Variants in KLHL2 observed in about 807,000 individuals in gnomAD.
The protein encoded by KLHL2 is kelch-like protein 2.
Under a neutral mutation model 75.8 loss-of-function variants are expected in KLHL2, and 15 were observed. The observed-to-expected ratio is 0.20, with a 90% CI of 0.13 to 0.30. The LOEUF is 0.30. Among genes scored for constraint, KLHL2 ranks in the 10% least tolerant of loss-of-function variants. The pLI is 1.00. For missense variants in KLHL2, 381 were observed against 741.0 expected (o/e 0.51, Z 5.64); for synonymous variants, 214 against 251.9 (o/e 0.85, Z 1.42).
chr4:165,276,350 G>GTGT (rs900310501), intron 5 of KLHL2, among the ~76,000 whole-genome samples: 3 of 152,072 alleles, frequency 2.0e-5, no homozygotes, highest in African/African-American at 4.8e-5. Flanking sequence ...GTATTTTCAT[G>GTGT]TGTGTCCCCT....
intron 4 of KLHL2, among the ~76,000 whole-genome samples, chr4:165,260,996 A>C (rs145298413): frequency 0.011 from 1,704 of 152,342 alleles, 15 homozygotes; most frequent in South Asian, 0.024. Context: ...TGTGTGACCA[A>C]ACAATTTAAG....
chr4:165,296,051 C>G (rs1376412623), intron 6 of KLHL2, among the ~76,000 whole-genome samples: 1 of 152,174 alleles, frequency 6.6e-6, no homozygotes, highest in Non-Finnish European at 1.5e-5. Flanking sequence ...GCTAACAATT[C>G]TATGGTCAGA....
At chr4:165,300,648 T>C (rs1195826478) in intron 8 of KLHL2, among the ~76,000 whole-genome samples, 1 of 152,216 alleles carries the variant, frequency 6.6e-6, no homozygotes, top group Non-Finnish European at 1.5e-5. Flanking sequence ...TTCCTTCTGC[T>C]CTGTTTACAT....
At chr4:165,283,696 C>T (rs1281207263) in intron 5 of KLHL2, among the ~76,000 whole-genome samples, 4 of 152,140 alleles carry the variant, frequency 2.6e-5, no homozygotes, top group African/African-American at 9.7e-5. Flanking sequence ...GATGGTGGCC[C>T]TCTTCTCACA....
chr4:165,322,323 A>G lies in KLHL2; in HGVS notation c.*263A>G. On this transcript the variant is annotated 3_prime_UTR_variant, in exon 15 of 15. Transcript: ENST00000226725. ...GCAGGACTTAATCTGTAGTCTTTAG[A>G]CAACAGTTGCTTTCATAAAGACTAG... 2.4e-6 allele frequency: 1 copy of G among 410,358 alleles called. No homozygotes were observed. Among genetic ancestry groups the G allele is most frequent in the Non-Finnish European group, 4.4e-6 (1 of 229,626 alleles). The allele number at this position is 410,358 out of a possible 1,614,324, so 25.4% of individuals were successfully genotyped here.
intron 8 of KLHL2, 90 bp from the exon 9 acceptor site, chr4:165,305,516 AAC>A: frequency 9.7e-7 from 1 of 1,030,888 alleles, no homozygotes; most frequent in South Asian, 1.3e-5. Flanking sequence ...TCTTCATCCT[AAC>A]ACTTCCCACA....
intron 1 of KLHL2, among the ~76,000 whole-genome samples, chr4:165,215,845 T>C (rs1737499034): frequency 6.6e-6 from 1 of 152,156 alleles, no homozygotes; most frequent in Non-Finnish European, 1.5e-5. Flanking sequence ...TTATTATTAT[T>C]TTTAAAAATC....
intron 3 of KLHL2, among the ~76,000 whole-genome samples, chr4:165,234,239 T>G (rs535166908): frequency 6.6e-6 from 1 of 152,354 alleles, no homozygotes; most frequent in East Asian, 1.9e-4. Flanking sequence ...AAAATGCCTG[T>G]GTGTCAGTAA....
intron 12 of KLHL2, 99 bp downstream of exon 12, chr4:165,313,465 T>A: frequency 9.2e-7 from 1 of 1,087,766 alleles, no homozygotes; most frequent in Non-Finnish European, 1.2e-6. Context: ...TCTGAAAATA[T>A]ATGATATGCT....
chr4:165,310,606 T>G lies in KLHL2; in HGVS notation c.1093T>G (p.Leu365Val), dbSNP rs1403223713. Residue 365 changes from leucine (L) to valine (V), a missense_variant, in exon 10 of 15, where the codon TTA becomes GTA. Physicochemically the swap from Leu to Val is conservative, Grantham distance 32. Coordinates refer to ENST00000226725, the MANE Select transcript of KLHL2 (RefSeq NM_007246.4). The stretch of plus-strand genomic sequence containing the variant: ...TGCTGTTGGTGGCTTTAATGGCTCA[T>G]TAAGAGTTCGCACTGTAGATTCCTA... Reference protein sequence around the residue: ...VFAVGGFNGSLRVRTVDSYDP... With the variant: ...VFAVGGFNGSVRVRTVDSYDP... The G allele has an allele frequency of 6.2e-7, 1 of 1,614,086 alleles. No homozygotes were observed. The highest frequency in any genetic ancestry group is 1.1e-5 in the South Asian group (1 of 91,078).
intron 1 of KLHL2, chr4:165,210,291 C>T (rs1737118685): frequency 9.3e-7 from 1 of 1,080,260 alleles, no homozygotes. Flanking sequence ...TCCAAATTTA[C>T]ATTGTTCTCA....
intron 5 of KLHL2, among the ~76,000 whole-genome samples, chr4:165,288,330 T>C (rs1176309236): frequency 6.6e-6 from 1 of 152,084 alleles, no homozygotes; most frequent in Non-Finnish European, 1.5e-5. Context: ...TTAAAAATAT[T>C]TGAACGGTAT....
At chr4:165,321,835 C>T (rs554029401) in intron 14 of KLHL2, among the ~76,000 whole-genome samples, 197 bp from the exon 15 acceptor site, 1 of 150,490 alleles carries the variant, frequency 6.6e-6, no homozygotes, top group African/African-American at 2.5e-5. Flanking sequence ...TTATATTTAA[C>T]TAGCCCATAA....
intron 5 of KLHL2, among the ~76,000 whole-genome samples, chr4:165,284,680 T>G (rs890119319): frequency 2.6e-5 from 4 of 152,212 alleles, no homozygotes; most frequent in Non-Finnish European, 5.9e-5. Context: ...CAAAGTCGCT[T>G]CCGCATTTCT....
intron 3 of KLHL2, among the ~76,000 whole-genome samples, chr4:165,235,299 C>T (rs556352285): frequency 3.9e-5 from 6 of 152,328 alleles, no homozygotes; most frequent in African/African-American, 1.2e-4. Flanking sequence ...CTCCCGGGTT[C>T]ATGCAATTCT....
rs532109476 is a variant in KLHL2 at position 165,322,598 on chromosome 4, C to T, written c.*538C>T. ...GTGCATATAAATGTGTGTCTATATG[C>T]TTTCCTTTAAATATGTTTGAAAAGA... On this transcript the variant is annotated 3_prime_UTR_variant, in exon 15 of 15. Coordinates refer to ENST00000226725, the MANE Select transcript of KLHL2 (RefSeq NM_007246.4). The T allele has an allele frequency of 6.5e-6, 1 of 152,778 alleles. No homozygotes were observed. The highest frequency in any genetic ancestry group is 2.4e-5 in the African/African-American group (1 of 41,530). 9.5% of individuals were successfully genotyped at this position (152,778 alleles called of 1,614,324 possible). A position where few individuals can be genotyped will look rare whatever the true frequency, so the allele number is the denominator to read the frequency against.
chr4:165,272,308 G>A (rs906901573), intron 5 of KLHL2, among the ~76,000 whole-genome samples: 11 of 152,138 alleles, frequency 7.2e-5, no homozygotes, highest in Non-Finnish European at 1.2e-4. Context: ...ATAGAATGAA[G>A]CATTTTATGA....
At chr4:165,238,374 G>T (rs1047660192) in intron 3 of KLHL2, among the ~76,000 whole-genome samples, 5 of 152,158 alleles carry the variant, frequency 3.3e-5, no homozygotes, top group Non-Finnish European at 2.9e-5. Flanking sequence ...AACCAGGTGG[G>T]TCCTTTTCAG....
intron 4 of KLHL2, among the ~76,000 whole-genome samples, chr4:165,260,293 ATTTAT>A (rs1741545455): frequency 1.3e-5 from 2 of 152,082 alleles, no homozygotes. Flanking sequence ...TTTGACTTAC[ATTTAT>A]TTTATGTTTA....
Sources: allele counts gnomAD v4.1 joint callset (sites outside exome capture counted in the v4.1 genomes callset), GRCh38; gene constraint gnomAD v4.1.1; transcripts MANE v1.5; gene names NCBI Gene and HGNC (gene_info 2026-07-23, HGNC 2026-07-21).